KSR2: variants seen among roughly 807,000 people sequenced by gnomAD.
KSR2 encodes the protein kinase suppressor of ras 2.
Under a neutral mutation model 107.8 loss-of-function variants are expected in KSR2, and 25 were observed. That is an observed-to-expected ratio of 0.23 (90% CI 0.17 to 0.32). The LOEUF is 0.32. Among genes scored for constraint, KSR2 ranks in the 10% least tolerant of loss-of-function variants. The probability of loss-of-function intolerance (pLI) is 1.00; values close to 1 mark genes in which losing one functional copy is unlikely to be tolerated. For missense variants in KSR2, 887 were observed against 1,268.9 expected (o/e 0.70, Z 4.57); for synonymous variants, 480 against 507.0 (o/e 0.95, Z 0.71).
rs572058014 is a variant in KSR2, at chr12:117,456,494, A to G, written c.*10705T>C. On this transcript the variant is annotated 3_prime_UTR_variant, in exon 20 of 20. Coordinates refer to ENST00000339824, the MANE Select transcript of KSR2 (RefSeq NM_173598.6). ...ATGGCTAGAATCTTACAGGACCAAT[A>G]CATTACATTTGTTGTCCAGGACGCA... The G allele has an allele frequency of 6.6e-6, 1 of 151,112 alleles. No homozygotes were observed. The highest frequency in any genetic ancestry group is 1.9e-4 in the East Asian group (1 of 5,174). 9.4% of individuals were successfully genotyped at this position (151,112 alleles called of 1,614,324 possible).
At chr12:117,778,920 C>T (rs1339612277) in intron 3 of KSR2, among the ~76,000 whole-genome samples, 1 of 152,220 alleles carries the variant, frequency 6.6e-6, no homozygotes, top group Non-Finnish European at 1.5e-5. Flanking sequence ...CTAAAAGTAG[C>T]ATTCGATGAC....
rs1893063405 is a variant in KSR2 at position 117,855,345 on chromosome 12, A to G, written c.472+83T>C. On this transcript the variant is annotated intron_variant, in intron 3 of 19. Transcript: ENST00000339824. ...TTGACTCTGTCTCGTCCTGGCCTGC[A>G]GTGGCGGGCACGGGATGCCGAGGGA... is the stretch of plus-strand genomic sequence containing the variant. The G allele has an allele frequency of 5.2e-6, 8 of 1,528,476 alleles. No homozygotes were observed. In the Admixed American group the frequency reaches 1.5e-4, roughly 29 times the overall value. 94.7% of individuals were successfully genotyped at this position (1,528,476 alleles called of 1,614,324 possible).
chr12:117,480,382 G>T (rs762976402), intron 16 of KSR2, among the ~76,000 whole-genome samples: 1 of 152,032 alleles, frequency 6.6e-6, no homozygotes, highest in Middle Eastern at 3.2e-3. Context: ...GGGGTGCCCC[G>T]TTCCCATGGC....
At chr12:117,885,528 T>C (rs979007118) in intron 1 of KSR2, among the ~76,000 whole-genome samples, 1 of 152,122 alleles carries the variant, frequency 6.6e-6, no homozygotes, top group Admixed American at 6.6e-5. Context: ...GTCTGTTTTT[T>C]TATAATATGC....
At chr12:117,914,392 G>A (rs373527364) in intron 1 of KSR2, among the ~76,000 whole-genome samples, 1 of 146,228 alleles carries the variant, frequency 6.8e-6, no homozygotes, top group Non-Finnish European at 1.5e-5. Context: ...TCACGCCACT[G>A]CACTCCAGCT....
chr12:117,844,359 G>A (rs569745352), intron 3 of KSR2, among the ~76,000 whole-genome samples: 47 of 151,960 alleles, frequency 3.1e-4, no homozygotes, highest in African/African-American at 9.6e-4. Flanking sequence ...AGGGAATTAT[G>A]ATGATGAAAC....
rs896332628 is a variant in KSR2 at position 117,623,393 on chromosome 12, C to T, written c.1172-41034G>A. Among the ~76,000 whole-genome samples, 9 of 152,284 alleles carry T rather than the reference C, an allele frequency of 5.9e-5. No homozygotes were observed. The East Asian group carries it at 1.4e-3, about 23-fold the overall frequency. On this transcript the variant is annotated intron_variant, in intron 5 of 19. Transcript: ENST00000339824. ...CTATCCCTCCCCCAGCCCCGCACCC[C>T]GATAGGCCCCAGTGTGTGATGTTCC...
At chr12:117,531,109 C>A (rs879164925) in intron 11 of KSR2, 96 bp from the exon 12 acceptor site, 6 of 993,806 alleles carry the variant, frequency 6.0e-6, no homozygotes, top group South Asian at 5.5e-5. Context: ...CAATTTTTCA[C>A]CAGATCTTGG....
intron 4 of KSR2, among the ~76,000 whole-genome samples, chr12:117,706,601 G>C (rs2136637985): frequency 6.6e-6 from 1 of 152,142 alleles, no homozygotes; most frequent in South Asian, 2.1e-4. Context: ...TGCTGGAAGT[G>C]GGGATTCACT....
chr12:117,780,934 G>A (rs1480768138), intron 3 of KSR2, among the ~76,000 whole-genome samples: 2 of 152,198 alleles, frequency 1.3e-5, no homozygotes, highest in Admixed American at 1.3e-4. Flanking sequence ...GTTTCCTTAA[G>A]GAAGAACATT....
chr12:117,902,452 T>TGGC (rs1894714694), intron 1 of KSR2, among the ~76,000 whole-genome samples: 2 of 138,874 alleles, frequency 1.4e-5, no homozygotes, highest in Non-Finnish European at 3.0e-5. Flanking sequence ...GCTGAGACCA[T>TGGC]GCCACTGCAC....
chr12:117,823,447 GGAGT>G (rs1157352097), intron 3 of KSR2, among the ~76,000 whole-genome samples: 1 of 152,138 alleles, frequency 6.6e-6, no homozygotes, highest in East Asian at 1.9e-4. Flanking sequence ...TAGCATTTGA[GGAGT>G]GAGGGTCGGG....
intron 5 of KSR2, among the ~76,000 whole-genome samples, chr12:117,612,207 C>A (rs970104440): frequency 1.3e-5 from 2 of 151,994 alleles, no homozygotes; most frequent in South Asian, 2.1e-4. Flanking sequence ...AGATCAAGAC[C>A]ATCCTGGCCA....
At chr12:117,814,804 A>G (rs1290872602) in intron 3 of KSR2, among the ~76,000 whole-genome samples, 2 of 152,204 alleles carry the variant, frequency 1.3e-5, no homozygotes, top group Non-Finnish European at 2.9e-5. Context: ...TGAATCACCC[A>G]GGTACATGTT....
At position 117,521,493 on chromosome 12, in the gene KSR2, A is replaced by T. The variant is rs574134816; in HGVS notation, c.2219+3359T>A. On this transcript the variant is annotated intron_variant, in intron 14 of 19. Transcript: ENST00000339824. Reference sequence around the variant, plus strand: ...CGCAGACCGTCGATAGCTTTGCAATAATCCCATAACGACCCAATTGTGAAA... The same window carrying T: ...CGCAGACCGTCGATAGCTTTGCAATTATCCCATAACGACCCAATTGTGAAA... 2.5e-4 allele frequency among the ~76,000 whole-genome samples: 38 copies of T among 152,334 alleles called. No individual in the cohort carries two copies. The South Asian group carries it at 7.9e-3, about 32-fold the overall frequency.
At chr12:117,884,992 GA>G (rs1894131218) in intron 1 of KSR2, among the ~76,000 whole-genome samples, 1 of 152,164 alleles carries the variant, frequency 6.6e-6, no homozygotes. Flanking sequence ...GGTAACACCA[GA>G]GGATGCTCCT....
Position 117,606,411 on chromosome 12 carries a change from C to CCTCCCTCCCCTCCTTCCTT in KSR2, c.1172-24053_1172-24052insAAGGAAGGAGGGGAGGGAG, listed in dbSNP as rs1881247233. Among the ~76,000 whole-genome samples, 10 of 9,010 alleles carry CCTCCCTCCCCTCCTTCCTT rather than the reference C, an allele frequency of 1.1e-3. 1 individual carries two copies. Among genetic ancestry groups the CCTCCCTCCCCTCCTTCCTT allele is most frequent in the African/African-American group, 5.9e-3 (10 of 1,702 alleles). The allele number at this position is 9,010 out of a possible 152,430, so 5.9% of individuals were successfully genotyped here. On this transcript the variant is annotated intron_variant, in intron 5 of 19. Coordinates refer to ENST00000339824, the MANE Select transcript of KSR2 (RefSeq NM_173598.6). Reference sequence around the variant, plus strand: ...TTCCTCCCTCCCTCCTCTCCTTCCTCCCTCCCTCCCCTCCTTCCTCCCTCC... The same window carrying CCTCCCTCCCCTCCTTCCTT: ...TTCCTCCCTCCCTCCTCTCCTTCCTCCTCCCTCCCCTCCTTCCTTCCTCCCTCCCCTCCTTCCTCCCTCC...
intron 3 of KSR2, among the ~76,000 whole-genome samples, chr12:117,826,339 CCTGCTGTGCAG>C (rs1313881152): frequency 1.3e-5 from 2 of 152,028 alleles, no homozygotes; most frequent in African/African-American, 4.8e-5. Context: ...CCACAGCAGT[CCTGCTGTGCAG>C]CCTCAGCCAG....
At chr12:117,499,399 C>T (rs189106450) in intron 14 of KSR2, among the ~76,000 whole-genome samples, 16 of 151,906 alleles carry the variant, frequency 1.1e-4, no homozygotes, top group Admixed American at 7.9e-4. Flanking sequence ...TTTTGTAAAT[C>T]GAGAAAAAAG....
Sources: gnomAD v4.1 joint callset for allele counts (sites outside exome capture counted in the v4.1 genomes callset) on GRCh38, gnomAD v4.1.1 for gene constraint, MANE v1.5 for transcripts, NCBI Gene and HGNC (gene_info 2026-07-23, HGNC 2026-07-21) for gene names.